The following MKX variants were observed in gnomAD, a reference collection of about 807,000 sequenced individuals.
The protein encoded by MKX is mohawk homeobox.
MKX carries 13 observed loss-of-function variants against 36.0 expected under a neutral mutation model. That is an observed-to-expected ratio of 0.36 (90% CI 0.24 to 0.57). The LOEUF is 0.57. MKX is among the 20% of genes least tolerant of loss of function. The pLI, the probability that MKX is intolerant of heterozygous loss-of-function variation, is 0.79. For synonymous variants in MKX, 176 were observed against 178.3 expected, an observed-to-expected ratio of 0.99 and a Z score of 0.10; for missense variants, 458 against 456.4, an observed-to-expected ratio of 1.00 and a Z score of -0.03.
chr10:27,693,602 A>C (rs569094372), intron 5 of MKX, among the ~76,000 whole-genome samples: 1 of 152,036 alleles, frequency 6.6e-6, no homozygotes, highest in East Asian at 1.9e-4. Context: ...AAATGAATTT[A>C]AATGCCAAAC....
intron 3 of MKX, among the ~76,000 whole-genome samples, chr10:27,736,233 C>T (rs973180370): frequency 8.6e-5 from 13 of 151,894 alleles, no homozygotes; most frequent in Admixed American, 8.5e-4. Context: ...CCAAAAGAGG[C>T]GTTAGCAAAA....
At chr10:27,688,413 T>C (rs2132505501) in intron 5 of MKX, among the ~76,000 whole-genome samples, 1 of 152,366 alleles carries the variant, frequency 6.6e-6, no homozygotes, top group South Asian at 2.1e-4. Context: ...AAAATGGCTT[T>C]TCTGATGGTC....
In MKX at chr10:27,741,105, G is replaced by T. The variant is rs11006697; in HGVS notation, c.348+240C>A. 6.6e-6 allele frequency among the ~76,000 whole-genome samples: 1 copy of T among 152,134 alleles called. No individual in the cohort carries two copies. The highest frequency in any genetic ancestry group is 1.5e-5 in the Non-Finnish European group (1 of 68,030). ...ATGCTCACTAATGTTGAACCTTCTC[G>T]TAAGTCTGCAGTTTACTTTTCACTT... On this transcript the variant is annotated intron_variant, in intron 3 of 6. Transcript: ENST00000419761. The surrounding 1 kb of genome is among the most constrained non-coding windows in gnomAD (Gnocchi z 5.1).
chr10:27,679,876 G>A (rs1191952809), intron 5 of MKX, among the ~76,000 whole-genome samples: 1 of 152,038 alleles, frequency 6.6e-6, no homozygotes, highest in Non-Finnish European at 1.5e-5. Context: ...TCTGGCTCAA[G>A]TGTGCTGTGT....
At chr10:27,677,304 C>A (rs113805935) in intron 5 of MKX, among the ~76,000 whole-genome samples, 1 of 152,122 alleles carries the variant, frequency 6.6e-6, no homozygotes, top group Admixed American at 6.5e-5. Flanking sequence ...TCCTTTTACG[C>A]CCCCTGCCCC....
At chr10:27,731,979 A>C (rs144809261) in intron 5 of MKX, among the ~76,000 whole-genome samples, 55 of 81,460 alleles carry the variant, frequency 6.8e-4, no homozygotes, top group African/African-American at 1.7e-3. Context: ...CATTAAAATT[A>C]ATGTATTTGT....
At chr10:27,688,764 C>T (rs527485519) in intron 5 of MKX, among the ~76,000 whole-genome samples, 29 of 152,290 alleles carry the variant, frequency 1.9e-4, no homozygotes, top group African/African-American at 6.3e-4. Context: ...TTTGTCCCCA[C>T]ATCTTAATAT....
chr10:27,720,944 T>C (rs1248672472), intron 5 of MKX, among the ~76,000 whole-genome samples: 2 of 152,134 alleles, frequency 1.3e-5, no homozygotes, highest in Non-Finnish European at 2.9e-5. Context: ...ATAGCTATTA[T>C]TGAAAAGAAC....
intron 3 of MKX, among the ~76,000 whole-genome samples, chr10:27,736,251 A>G (rs1274314222): frequency 6.6e-6 from 1 of 152,214 alleles, no homozygotes; most frequent in Non-Finnish European, 1.5e-5. Context: ...AAACAGAGGT[A>G]GAACCATGGG....
At chr10:27,684,463 G>A (rs992191490) in intron 5 of MKX, among the ~76,000 whole-genome samples, 2 of 151,884 alleles carry the variant, frequency 1.3e-5, no homozygotes, top group Non-Finnish European at 2.9e-5. Flanking sequence ...GGGCAATCAG[G>A]GATAACTAAT....
In MKX at chr10:27,675,189, C is replaced by T; in HGVS notation, c.*40G>A. The T allele has an allele frequency of 6.3e-7, 1 of 1,590,140 alleles. No homozygotes were observed. Among genetic ancestry groups the T allele is most frequent in the Non-Finnish European group, 8.6e-7 (1 of 1,166,002 alleles). On this transcript the variant is annotated 3_prime_UTR_variant, in exon 7 of 7. Coordinates refer to ENST00000419761, the MANE Select transcript of MKX (RefSeq NM_173576.3). ...CTTAGGATGAGGGTTGATGAAAACA[C>T]CGGAAAGAACATCCATTGGATCTGA... is the stretch of plus-strand genomic sequence containing the variant.
At chr10:27,743,585 C>T (rs546685327) in intron 1 of MKX, 88 bp from the exon 2 acceptor site, 4 of 720,346 alleles carry the variant, frequency 5.6e-6, no homozygotes, top group South Asian at 5.0e-5. Flanking sequence ...GCCGGGTCGC[C>T]GGGCTGCGGA....
intron 5 of MKX, among the ~76,000 whole-genome samples, chr10:27,681,300 T>C (rs760351219): frequency 1.3e-5 from 2 of 151,752 alleles, no homozygotes; most frequent in Non-Finnish European, 2.9e-5. Context: ...ATACAAAAAA[T>C]TAGCCAGGCG....
chr10:27,694,881 A>C (rs1438976482), intron 5 of MKX, among the ~76,000 whole-genome samples: 2 of 149,746 alleles, frequency 1.3e-5, no homozygotes, highest in African/African-American at 5.0e-5. Flanking sequence ...AGCACAAACA[A>C]ATTGCCTTTT....
At chr10:27,717,707 G>A (rs1226206573) in intron 5 of MKX, among the ~76,000 whole-genome samples, 6 of 152,232 alleles carry the variant, frequency 3.9e-5, no homozygotes, top group African/African-American at 1.4e-4. Context: ...CTAGAAATTA[G>A]GTCTGGATAT....
chr10:27,715,197 G>GCCGA (rs1374395175), intron 5 of MKX, among the ~76,000 whole-genome samples: 2 of 74,356 alleles, frequency 2.7e-5, no homozygotes, highest in Non-Finnish European at 4.2e-5. Flanking sequence ...ATTGCTGCAG[G>GCCGA]CAGACGCTTG....
At chr10:27,711,516 T>TC (rs1564357183) in intron 5 of MKX, among the ~76,000 whole-genome samples, 65 of 142,598 alleles carry the variant, frequency 4.6e-4, no homozygotes, top group African/African-American at 1.6e-3. Flanking sequence ...CCTTCCTTCC[T>TC]TCCTTCCTTC....
At chr10:27,740,979 T>G (rs921734762) in intron 3 of MKX, among the ~76,000 whole-genome samples, 1 of 152,234 alleles carries the variant, frequency 6.6e-6, no homozygotes, top group South Asian at 2.1e-4. Context: ...ACCTGGGGCC[T>G]TGTAAGAGAT....
At chr10:27,738,844 A>T (rs1206691547) in intron 3 of MKX, among the ~76,000 whole-genome samples, 2 of 152,098 alleles carry the variant, frequency 1.3e-5, no homozygotes, top group Non-Finnish European at 2.9e-5. Flanking sequence ...CAACTGAAAT[A>T]TTGAGCACTT....
Sources: gnomAD v4.1 joint callset for allele counts (sites outside exome capture counted in the v4.1 genomes callset) on GRCh38, gnomAD v4.1.1 for gene constraint, Gnocchi (gnomAD v3.1) non-coding constraint, MANE v1.5 for transcripts, NCBI Gene and HGNC (gene_info 2026-07-23, HGNC 2026-07-21) for gene names.